Variants in DDX60L observed in about 807,000 individuals in gnomAD.
DDX60L encodes probable ATP-dependent RNA helicase DDX60-like.
DDX60L carries 191 observed loss-of-function variants against 211.6 expected under a neutral mutation model. That is an observed-to-expected ratio of 0.90 (90% CI 0.80 to 1.02). The LOEUF (loss-of-function observed/expected upper bound fraction) is 1.02, where lower values mean the gene tolerates loss of function less well. DDX60L is among the 50% of genes least tolerant of loss of function. The pLI is 0.00. For synonymous variants in DDX60L, 706 were observed against 694.1 expected (o/e 1.02, Z -0.27); for missense variants, 2,007 against 1,984.1 (o/e 1.01, Z -0.22).
chr4:168,430,768 C>T (rs4692931), intron 12 of DDX60L, 130 bp from the exon 13 acceptor site: 316,733 of 625,602 alleles, frequency 0.51, 85,949 homozygotes, highest in East Asian at 0.68. Flanking sequence ...GATTACCATA[C>T]GCTAACAAAA....
intron 9 of DDX60L, among the ~76,000 whole-genome samples, chr4:168,443,313 G>A (rs1314647300): frequency 6.6e-6 from 1 of 151,994 alleles, no homozygotes; most frequent in Non-Finnish European, 1.5e-5. Context: ...GAAGCGAGAA[G>A]GGAAGTTTAG....
intron 14 of DDX60L, among the ~76,000 whole-genome samples, chr4:168,426,376 G>A (rs75823992): frequency 2.1e-3 from 316 of 152,242 alleles, no homozygotes; most frequent in Non-Finnish European, 3.6e-3. Flanking sequence ...GCTCCATGGC[G>A]GAGATAAAGA....
At chr4:168,426,891 T>C (rs1751541601) in intron 14 of DDX60L, among the ~76,000 whole-genome samples, 179 bp downstream of exon 14, 1 of 152,226 alleles carries the variant, frequency 6.6e-6, no homozygotes, top group South Asian at 2.1e-4. Context: ...GTCTAACCTC[T>C]GCAATTCCAC....
At chr4:168,360,847 A>T (rs2634929) in intron 37 of DDX60L, among the ~76,000 whole-genome samples, 1 of 152,134 alleles carries the variant, frequency 6.6e-6, no homozygotes, top group Non-Finnish European at 1.5e-5. Flanking sequence ...TATAGTGAGA[A>T]TATAGCGAGG....
intron 37 of DDX60L, 62 bp downstream of exon 37, chr4:168,361,087 G>C: frequency 8.6e-7 from 1 of 1,165,468 alleles, no homozygotes; most frequent in Non-Finnish European, 1.3e-6. Context: ...CAAAGGAAGA[G>C]CTATATGTTT....
rs1382226261 is a variant in DDX60L, at chr4:168,427,421, GC to G, written c.1678-100del. The G allele has an allele frequency of 2.3e-6, 3 of 1,313,058 alleles. No homozygotes were observed. The East Asian group carries it at 6.9e-5, about 30-fold the overall frequency. The allele number at this position is 1,313,058 out of a possible 1,614,324, so 81.3% of individuals were successfully genotyped here. On this transcript the variant is annotated intron_variant, in intron 13 of 37. Coordinates refer to ENST00000682922, the MANE Select transcript of DDX60L (RefSeq NM_001012967.3). ...TTTTGTGCACTTACTGAGGACTCTGGCCATCATTCTACTCGTGCACAGGCAA... is the reference window on the plus strand; with the variant it reads ...TTTTGTGCACTTACTGAGGACTCTGGCATCATTCTACTCGTGCACAGGCAA...
chr4:168,417,669 C>A (rs1368361669), intron 19 of DDX60L, among the ~76,000 whole-genome samples: 1 of 152,172 alleles, frequency 6.6e-6, no homozygotes, highest in African/African-American at 2.4e-5. Context: ...ACCACAAGGT[C>A]AGTACTGGCA....
intron 1 of DDX60L, among the ~76,000 whole-genome samples, chr4:168,477,526 T>C (rs1235962165): frequency 6.6e-6 from 1 of 152,196 alleles, no homozygotes; most frequent in Non-Finnish European, 1.5e-5. Context: ...TATGTACCAC[T>C]AATTTTCTTA....
chr4:168,419,698 C>A (rs1292106672), intron 18 of DDX60L, among the ~76,000 whole-genome samples: 1 of 152,176 alleles, frequency 6.6e-6, no homozygotes, highest in East Asian at 1.9e-4. Context: ...GACGGGTCCA[C>A]TATCAACACA....
intron 30 of DDX60L, among the ~76,000 whole-genome samples, chr4:168,380,982 A>G (rs934558028): frequency 2.0e-5 from 3 of 152,212 alleles, no homozygotes; most frequent in Non-Finnish European, 4.4e-5. Flanking sequence ...AGAACTTTGA[A>G]CTTGAAAGAG....
chr4:168,462,629 A>G (rs965617717), intron 4 of DDX60L, among the ~76,000 whole-genome samples: 6 of 152,150 alleles, frequency 3.9e-5, no homozygotes, highest in East Asian at 1.9e-4. Context: ...TCTGGCCAAC[A>G]TGGTGAAACC....
intron 29 of DDX60L, chr4:168,390,442 A>G (rs1280301496): frequency 3.0e-6 from 4 of 1,333,084 alleles, no homozygotes; most frequent in East Asian, 5.8e-5. Flanking sequence ...TGAAACAGCA[A>G]CATCCTAAAA....
At chr4:168,409,684 T>TTAA (rs1748343420) in intron 22 of DDX60L, among the ~76,000 whole-genome samples, 1 of 152,210 alleles carries the variant, frequency 6.6e-6, no homozygotes, top group African/African-American at 2.4e-5. Flanking sequence ...TTACATGCCC[T>TTAA]TAATCACCAT....
intron 9 of DDX60L, among the ~76,000 whole-genome samples, chr4:168,442,011 G>A (rs935311799): frequency 3.9e-5 from 6 of 152,122 alleles, no homozygotes; most frequent in East Asian, 3.9e-4. Flanking sequence ...CAAGATGGCC[G>A]AATAGGAACA....
intron 22 of DDX60L, among the ~76,000 whole-genome samples, chr4:168,414,095 G>A (rs1028895889): frequency 9.9e-5 from 15 of 152,090 alleles, no homozygotes; most frequent in South Asian, 4.2e-4. Context: ...AGGGCTGAAG[G>A]AAAAAATCTT....
At chr4:168,450,872 A>T (rs1232903456) in intron 8 of DDX60L, among the ~76,000 whole-genome samples, 1 of 152,150 alleles carries the variant, frequency 6.6e-6, no homozygotes, top group Non-Finnish European at 1.5e-5. Flanking sequence ...ATGCCACAGC[A>T]CTCCAGCCTG....
intron 29 of DDX60L, 125 bp downstream of exon 29, chr4:168,391,415 G>T: frequency 1.5e-6 from 1 of 650,686 alleles, no homozygotes; most frequent in East Asian, 2.8e-5. Context: ...ACTCAAAAAT[G>T]CTATGCCACA....
chr4:168,376,924 C>T (rs1237627235), intron 33 of DDX60L, among the ~76,000 whole-genome samples: 1 of 152,128 alleles, frequency 6.6e-6, no homozygotes, highest in Non-Finnish European at 1.5e-5. Flanking sequence ...AATTATGGTA[C>T]ATAATATAAG....
At chr4:168,455,806 A>AT (rs1756491059) in intron 7 of DDX60L, among the ~76,000 whole-genome samples, 1 of 152,184 alleles carries the variant, frequency 6.6e-6, no homozygotes, top group African/African-American at 2.4e-5. Context: ...AAAAACACTA[A>AT]ATTACGTAAC....
Sources: allele counts gnomAD v4.1 joint callset (sites outside exome capture counted in the v4.1 genomes callset), GRCh38; gene constraint gnomAD v4.1.1; transcripts MANE v1.5; gene names NCBI Gene and HGNC (gene_info 2026-07-23, HGNC 2026-07-21).